CHSY3: variants seen among roughly 807,000 people sequenced by gnomAD.
CHSY3 encodes the protein chondroitin sulfate synthase 3, also known as N-acetylgalactosaminyl-proteoglycan 3-beta-glucuronosyltransferase 3.
A neutral mutation model predicts 67.2 loss-of-function variants in CHSY3; 35 were observed. The observed-to-expected ratio is 0.52, with a 90% CI of 0.40 to 0.69. CHSY3 has a LOEUF of 0.69. Ranked by LOEUF, CHSY3 falls within the 30% of genes least tolerant of loss-of-function variation. CHSY3 has a pLI of 0.00. For missense variants in CHSY3, 1,069 were observed against 1,138.5 expected (o/e 0.94, Z 0.88); for synonymous variants, 474 against 434.7 (o/e 1.09, Z -1.12).
chr5:129,959,758 T>A (rs772671738), intron 2 of CHSY3, among the ~76,000 whole-genome samples: 9 of 152,102 alleles, frequency 5.9e-5, no homozygotes, highest in Non-Finnish European at 1.0e-4. Context: ...ATTTGAAATT[T>A]TTTTCCGATT....
At chr5:129,918,233 G>T (rs1201299312) in intron 2 of CHSY3, among the ~76,000 whole-genome samples, 1 of 152,076 alleles carries the variant, frequency 6.6e-6, no homozygotes, top group African/African-American at 2.4e-5. Context: ...TTCTCATAAA[G>T]ATATGTTTTC....
intron 2 of CHSY3, among the ~76,000 whole-genome samples, chr5:130,126,054 A>T (rs1175043545): frequency 6.6e-6 from 1 of 152,174 alleles, no homozygotes; most frequent in African/African-American, 2.4e-5. Flanking sequence ...GCCTTTTTAT[A>T]TACTTTTTTA....
intron 2 of CHSY3, among the ~76,000 whole-genome samples, chr5:129,996,054 C>T (rs146767961): frequency 6.2e-4 from 95 of 152,162 alleles, no homozygotes; most frequent in South Asian, 3.3e-3. Context: ...CATTTGCCAA[C>T]GATCTTATTT....
chr5:129,996,759 A>G (rs1222608027), intron 2 of CHSY3, among the ~76,000 whole-genome samples: 1 of 152,160 alleles, frequency 6.6e-6, no homozygotes, highest in Non-Finnish European at 1.5e-5. Context: ...AGTCACACAC[A>G]CATACACACA....
chr5:130,086,798 A>G (rs1399813287), intron 2 of CHSY3, among the ~76,000 whole-genome samples: 2 of 151,948 alleles, frequency 1.3e-5, no homozygotes, highest in East Asian at 1.9e-4. Context: ...ACAAGGAGGA[A>G]CTGGTACCAT....
intron 2 of CHSY3, among the ~76,000 whole-genome samples, chr5:130,088,284 T>A (rs1766736243): frequency 1.3e-5 from 2 of 151,046 alleles, no homozygotes. Context: ...AACCTAGGCA[T>A]TACCATTCAG....
At chr5:130,103,093 A>G (rs1229117908) in intron 2 of CHSY3, among the ~76,000 whole-genome samples, 2 of 152,052 alleles carry the variant, frequency 1.3e-5, no homozygotes, top group African/African-American at 2.4e-5. Flanking sequence ...GGATGCAAAT[A>G]TGGATTCAGC....
In CHSY3 at chr5:129,905,402, G is replaced by T. The variant is rs1466244990; in HGVS notation, c.573G>T (p.Ala191=). ...ACCTGGGCAGCCGCGCGCTGGCCGC[G>T]CAGCGGACCTGGGCGCGTTTCATCC... The part of the protein sequence containing the change: ...QKYLGSRALA[A]QRTWARFIPG... The change falls in exon 1 of 3, where the codon GCG becomes GCT. Residue 191 remains alanine, a synonymous_variant. Coordinates refer to ENST00000305031, the MANE Select transcript of CHSY3 (RefSeq NM_175856.5). The T allele has an allele frequency of 3.1e-6, 5 of 1,606,822 alleles. No homozygotes were observed. In the African/African-American group the frequency reaches 5.3e-5, roughly 17 times the overall value.
chr5:129,926,285 T>C (rs1761106891), intron 2 of CHSY3, among the ~76,000 whole-genome samples: 1 of 152,062 alleles, frequency 6.6e-6, no homozygotes. Context: ...AGGTTATTTT[T>C]GTAATACAGA....
intron 2 of CHSY3, among the ~76,000 whole-genome samples, chr5:129,918,641 G>A (rs1204037183): frequency 6.6e-6 from 1 of 152,130 alleles, no homozygotes; most frequent in Non-Finnish European, 1.5e-5. Flanking sequence ...GGATGCATGG[G>A]CAGGCAAAGA....
chr5:129,978,307 A>G (rs949925728), intron 2 of CHSY3, among the ~76,000 whole-genome samples: 6 of 152,184 alleles, frequency 3.9e-5, no homozygotes, highest in African/African-American at 1.4e-4. Flanking sequence ...AATATGATTC[A>G]CTTTAGTCAT....
At chr5:129,927,022 A>T (rs1210495509) in intron 2 of CHSY3, among the ~76,000 whole-genome samples, 2 of 152,002 alleles carry the variant, frequency 1.3e-5, no homozygotes, top group African/African-American at 2.4e-5. Flanking sequence ...GTGTATTAAT[A>T]ATAAAACAAA....
intron 2 of CHSY3, among the ~76,000 whole-genome samples, chr5:130,132,474 A>C (rs1040460650): frequency 1.3e-5 from 2 of 152,204 alleles, no homozygotes; most frequent in African/African-American, 4.8e-5. Flanking sequence ...AAATTATTGC[A>C]ATGTAATATG....
At chr5:129,999,094 G>A (rs1763638678) in intron 2 of CHSY3, among the ~76,000 whole-genome samples, 1 of 149,206 alleles carries the variant, frequency 6.7e-6, no homozygotes, top group South Asian at 2.1e-4. Context: ...TTTTTTGGAA[G>A]AGTGAAATAC....
intron 2 of CHSY3, among the ~76,000 whole-genome samples, chr5:130,171,688 T>C (rs1002180342): frequency 7.2e-5 from 11 of 152,130 alleles, no homozygotes; most frequent in African/African-American, 2.7e-4. Context: ...AAAACTAAAA[T>C]AGCTAAAAAA....
At chr5:130,144,857 G>A (rs961010962) in intron 2 of CHSY3, among the ~76,000 whole-genome samples, 46 of 152,152 alleles carry the variant, frequency 3.0e-4, no homozygotes, top group African/African-American at 1.1e-3. Context: ...AGGTTTAAGT[G>A]GCTCACAGTT....
intron 2 of CHSY3, among the ~76,000 whole-genome samples, chr5:130,178,943 T>C (rs1158757626): frequency 6.6e-6 from 1 of 152,234 alleles, no homozygotes; most frequent in Non-Finnish European, 1.5e-5. Context: ...AGTTTATTCT[T>C]GGTTTTGCCC....
intron 2 of CHSY3, among the ~76,000 whole-genome samples, chr5:129,991,652 G>T (rs540477219): frequency 2.9e-4 from 44 of 152,192 alleles, no homozygotes; most frequent in South Asian, 1.7e-3. Flanking sequence ...AATTCTATAA[G>T]TAATGTAACT....
intron 2 of CHSY3, among the ~76,000 whole-genome samples, chr5:130,020,449 ATATATATATATATTTT>A (rs1239727979): frequency 0.03 from 401 of 13,354 alleles, 13 homozygotes; most frequent in East Asian, 0.044. Flanking sequence ...ATATATATAT[ATATATATATATATTTT>A]TTTTTTTTTT....
Sources: allele counts gnomAD v4.1 joint callset (sites outside exome capture counted in the v4.1 genomes callset), GRCh38; gene constraint gnomAD v4.1.1; transcripts MANE v1.5; gene names NCBI Gene and HGNC (gene_info 2026-07-23, HGNC 2026-07-21).